CPNE3: variants seen among roughly 807,000 people sequenced by gnomAD.
The protein encoded by CPNE3 is copine-3.
Under a neutral mutation model 63.9 loss-of-function variants are expected in CPNE3, and 68 were observed. That is an observed-to-expected ratio of 1.06 (90% confidence interval 0.87 to 1.30). CPNE3 has a LOEUF of 1.30. CPNE3 is among the 50% of genes most tolerant of loss of function. The pLI is 0.00. For missense variants in CPNE3, 665 were observed against 578.1 expected (o/e 1.15, Z -1.54); for synonymous variants, 219 against 197.5 (o/e 1.11, Z -0.91).
At chr8:86,528,735 G>C in intron 3 of CPNE3, 58 bp downstream of exon 3, 1 of 1,536,074 alleles carries the variant, frequency 6.5e-7, no homozygotes, top group Middle Eastern at 2.3e-4. Flanking sequence ...ACAATGTGAA[G>C]AGTTTTTTTA....
intron 2 of CPNE3, among the ~76,000 whole-genome samples, chr8:86,522,565 T>C (rs1419954223): frequency 6.8e-6 from 1 of 147,800 alleles, no homozygotes; most frequent in Admixed American, 6.8e-5. Flanking sequence ...TTTTTTTTTT[T>C]TTTTTTTTTT....
intron 6 of CPNE3, among the ~76,000 whole-genome samples, chr8:86,536,180 ATATC>A (rs1820800232): frequency 6.6e-6 from 1 of 150,768 alleles, no homozygotes; most frequent in Non-Finnish European, 1.5e-5. Flanking sequence ...TGTTTCCTAA[ATATC>A]TAAGGGTTTT....
chr8:86,545,775 A>G (rs184020682), intron 9 of CPNE3, among the ~76,000 whole-genome samples: 1 of 152,310 alleles, frequency 6.6e-6, no homozygotes, highest in East Asian at 1.9e-4. Context: ...AATATCTCTT[A>G]TATTATTATT....
At chr8:86,543,021 G>A (rs913090046) in intron 8 of CPNE3, among the ~76,000 whole-genome samples, 1 of 151,838 alleles carries the variant, frequency 6.6e-6, no homozygotes, top group African/African-American at 2.4e-5. Flanking sequence ...GTAAAGTTCT[G>A]TTTTCCATAA....
At chr8:86,549,417 A>G (rs747886828) in intron 12 of CPNE3, among the ~76,000 whole-genome samples, 11 of 152,206 alleles carry the variant, frequency 7.2e-5, no homozygotes, top group Admixed American at 2.6e-4. Context: ...TATTATTGCA[A>G]TTATCTTAAG....
chr8:86,552,329 T>C (rs1821199148), intron 14 of CPNE3, among the ~76,000 whole-genome samples: 1 of 151,820 alleles, frequency 6.6e-6, no homozygotes, highest in Admixed American at 6.6e-5. Flanking sequence ...ACTAATTCAG[T>C]GTTCTTTGAG....
intron 14 of CPNE3, among the ~76,000 whole-genome samples, chr8:86,554,640 A>C (rs1180028398): frequency 1.3e-5 from 2 of 152,148 alleles, no homozygotes; most frequent in African/African-American, 4.8e-5. Flanking sequence ...AATCCCTTCT[A>C]TTGGGGGAGG....
chr8:86,557,865 T>A (rs1205207912), intron 16 of CPNE3, among the ~76,000 whole-genome samples: 1 of 152,178 alleles, frequency 6.6e-6, no homozygotes, highest in Non-Finnish European at 1.5e-5. Flanking sequence ...TGTACTATAG[T>A]TATGCAAGAT....
Position 86,554,932 on chromosome 8 carries a change from T to C in CPNE3, c.1202T>C (p.Ile401Thr). 1 of 1,614,162 alleles carries C rather than the reference T, an allele frequency of 6.2e-7. No individual in the cohort carries two copies. Among genetic ancestry groups the C allele is most frequent in the Non-Finnish European group, 8.5e-7 (1 of 1,180,022 alleles). The change falls in exon 15 of 17, where the codon ATA (isoleucine) becomes ACA (threonine). Residue 401 changes from isoleucine (I) to threonine (T), a missense_variant. Transcript: ENST00000517490. ...GGACCAACTAATTTTTCTCCAATCATAAATCACGTGGCCAGGTTTGCTGCT... is the reference window on the plus strand; with the variant it reads ...GGACCAACTAATTTTTCTCCAATCACAAATCACGTGGCCAGGTTTGCTGCT... ...LYGPTNFSPI[I>T]NHVARFAAAA... is the part of the protein sequence containing the mutation.
At position 86,561,063 on chromosome 8, in the gene CPNE3, G is replaced by A. The variant is rs978587750; in HGVS notation, c.*2653G>A. ...ACCAGAAAAATTTGAAGTCTGATCA[G>A]AGATTTACAACTGTTCATTATAGTG... On this transcript the variant is annotated 3_prime_UTR_variant, in exon 17 of 17. Coordinates refer to ENST00000517490, the MANE Select transcript of CPNE3 (RefSeq NM_003909.5). 5.9e-5 allele frequency: 9 copies of A among 152,192 alleles called. No individual in the cohort carries two copies. The highest frequency in any genetic ancestry group is 2.2e-4 in the African/African-American group (9 of 41,448). The allele number at this position is 152,192 out of a possible 1,614,324, so 9.4% of individuals were successfully genotyped here. A position where few individuals can be genotyped will look rare whatever the true frequency, so the allele number is the denominator to read the frequency against.
chr8:86,529,292 A>G (rs1446067496), intron 4 of CPNE3, among the ~76,000 whole-genome samples, 168 bp downstream of exon 4: 1 of 152,182 alleles, frequency 6.6e-6, no homozygotes, highest in African/African-American at 2.4e-5. Flanking sequence ...AATTCATCTT[A>G]TATTTTGTAT....
At chr8:86,556,388 C>G in intron 16 of CPNE3, 50 bp downstream of exon 16, 3 of 862,700 alleles carry the variant, frequency 3.5e-6, no homozygotes, top group Non-Finnish European at 6.1e-6. Context: ...GAACACAGAC[C>G]TTTGCCCATC....
chr8:86,537,728 A>AATAT, intron 7 of CPNE3, 82 bp downstream of exon 7: 1 of 833,500 alleles, frequency 1.2e-6, no homozygotes, highest in East Asian at 2.6e-5. Context: ...TTATATTTAT[A>AATAT]AAAGTATCAA....
rs1821237732 is a variant in CPNE3 at position 86,553,451 on chromosome 8, T to C, written c.1121-1400T>C. On this transcript the variant is annotated intron_variant, in intron 14 of 16. Coordinates refer to ENST00000517490, the MANE Select transcript of CPNE3 (RefSeq NM_003909.5). The stretch of plus-strand genomic sequence containing the variant: ...GTATGACAGTAGGCCCATAAGATTT[T>C]AATATTTTATTTTTACTGTAAAGAC... Among the ~76,000 whole-genome samples the C allele has an allele frequency of 1.3e-5, 2 of 152,208 alleles. 1 individual carries two copies. The highest frequency in any genetic ancestry group is 4.1e-4 in the South Asian group (2 of 4,826).
chr8:86,534,672 A>T (rs1820765735), intron 6 of CPNE3, among the ~76,000 whole-genome samples: 1 of 152,142 alleles, frequency 6.6e-6, no homozygotes, highest in African/African-American at 2.4e-5. Context: ...GAAGGAAAAA[A>T]AATTTGTAAA....
intron 3 of CPNE3, 34 bp downstream of exon 3, chr8:86,528,711 G>C (rs765556701): frequency 1.3e-6 from 2 of 1,579,034 alleles, no homozygotes; most frequent in Non-Finnish European, 1.7e-6. Context: ...AAAGTAATCT[G>C]AATTACCCTT....
intron 12 of CPNE3, among the ~76,000 whole-genome samples, chr8:86,548,984 C>T (rs1228729915): frequency 6.6e-6 from 1 of 151,998 alleles, no homozygotes; most frequent in East Asian, 1.9e-4. Flanking sequence ...GATCTAATTG[C>T]TATGAAATAT....
At chr8:86,555,247 A>T (rs1210819403) in intron 15 of CPNE3, among the ~76,000 whole-genome samples, 2 of 152,198 alleles carry the variant, frequency 1.3e-5, no homozygotes, top group African/African-American at 2.4e-5. Flanking sequence ...AAAAAAAAAA[A>T]TGCCTATCAT....
At chr8:86,548,523 G>C (rs1821104900) in intron 12 of CPNE3, 89 bp downstream of exon 12, 1 of 1,503,734 alleles carries the variant, frequency 6.7e-7, no homozygotes, top group Non-Finnish European at 9.0e-7. Flanking sequence ...CTCTGATATA[G>C]GTGGTAGGTT....
Sources: gnomAD v4.1 joint callset for allele counts (sites outside exome capture counted in the v4.1 genomes callset) on GRCh38, gnomAD v4.1.1 for gene constraint, MANE v1.5 for transcripts, NCBI Gene and HGNC (gene_info 2026-07-23, HGNC 2026-07-21) for gene names.